LAMA2: variants seen among roughly 807,000 people sequenced by gnomAD.
LAMA2 encodes laminin subunit alpha 2, also known as laminin subunit alpha-2.
A neutral mutation model predicts 364.8 loss-of-function variants in LAMA2; 269 were observed. The observed-to-expected ratio is 0.74, with a 90% CI of 0.67 to 0.82. LAMA2 has a LOEUF of 0.82. LAMA2 is among the 40% of genes least tolerant of loss of function. The pLI is 0.00. For synonymous variants in LAMA2, 1,379 were observed against 1,370.6 expected, an observed-to-expected ratio of 1.01 and a Z score of -0.14; for missense variants, 3,807 against 3,873.2, an observed-to-expected ratio of 0.98 and a Z score of 0.45.
chr6:128,948,178 C>T (rs142388169), intron 1 of LAMA2, among the ~76,000 whole-genome samples: 265 of 152,068 alleles, frequency 1.7e-3, no homozygotes, highest in African/African-American at 6.1e-3. Flanking sequence ...AAAATCCAAG[C>T]AAAGCAGGTA....
intron 3 of LAMA2, among the ~76,000 whole-genome samples, chr6:129,063,783 A>G (rs928177124): frequency 3.9e-5 from 6 of 152,192 alleles, no homozygotes; most frequent in Admixed American, 3.3e-4. Context: ...TTGTTTGGAC[A>G]AGTTAACAGT....
intron 1 of LAMA2, among the ~76,000 whole-genome samples, chr6:129,044,245 C>A (rs926885292): frequency 1.3e-5 from 2 of 151,962 alleles, no homozygotes; most frequent in Non-Finnish European, 2.9e-5. Flanking sequence ...TAGCTGTTAT[C>A]TCTGGGAGCT....
intron 1 of LAMA2, among the ~76,000 whole-genome samples, chr6:128,944,195 A>C (rs773896706): frequency 2.6e-5 from 4 of 152,228 alleles, no homozygotes; most frequent in Admixed American, 6.5e-5. Context: ...ACCTGAGCAC[A>C]CATCACAAAG....
At chr6:128,960,092 C>A (rs781306833) in intron 1 of LAMA2, among the ~76,000 whole-genome samples, 12 of 151,856 alleles carry the variant, frequency 7.9e-5, no homozygotes, top group African/African-American at 1.2e-4. Context: ...AGATTTTTGC[C>A]TCTGTAAACT....
intron 20 of LAMA2, among the ~76,000 whole-genome samples, chr6:129,295,588 T>C (rs1426950045): frequency 1.3e-5 from 2 of 152,214 alleles, no homozygotes; most frequent in African/African-American, 2.4e-5. Flanking sequence ...GCTACATTAT[T>C]TAAATATTTG....
intron 40 of LAMA2, among the ~76,000 whole-genome samples, chr6:129,424,143 C>T (rs558444408): frequency 1.6e-3 from 236 of 152,028 alleles, no homozygotes; most frequent in Admixed American, 3.2e-3. Context: ...ACAAATTCTA[C>T]TAGAGGAATT....
chr6:128,909,581 T>C (rs1278304625), intron 1 of LAMA2, among the ~76,000 whole-genome samples: 5 of 148,668 alleles, frequency 3.4e-5, no homozygotes, highest in African/African-American at 1.2e-4. Flanking sequence ...GGGTCTTGAC[T>C]CTTTATCCAA....
intron 7 of LAMA2, among the ~76,000 whole-genome samples, chr6:129,150,979 C>T (rs902330935): frequency 2.6e-5 from 4 of 152,150 alleles, no homozygotes; most frequent in Non-Finnish European, 5.9e-5. Flanking sequence ...GATAATATCT[C>T]TAAAAAGCAT....
chr6:129,080,595 C>T (rs994576391), intron 3 of LAMA2, among the ~76,000 whole-genome samples: 1 of 152,108 alleles, frequency 6.6e-6, no homozygotes, highest in African/African-American at 2.4e-5. Flanking sequence ...TATGAAGAGA[C>T]ACTTCTCAAA....
At chr6:128,936,646 A>G (rs781060924) in intron 1 of LAMA2, among the ~76,000 whole-genome samples, 2 of 152,134 alleles carry the variant, frequency 1.3e-5, no homozygotes, top group Non-Finnish European at 2.9e-5. Context: ...CAATTATAAC[A>G]ATTTACTATA....
intron 12 of LAMA2, among the ~76,000 whole-genome samples, chr6:129,200,104 GTGTACACGTATATATATGTGTATA>G (rs1782103554): frequency 9.9e-6 from 1 of 100,780 alleles, no homozygotes; most frequent in Admixed American, 1.1e-4. Context: ...ACGTGTATAT[GTGTACACGTATATATATGTGTATA>G]TATATACGTG....
Position 129,265,415 on chromosome 6 carries a change from T to C in LAMA2, c.2209-1691T>C, listed in dbSNP as rs941854846. Among the ~76,000 whole-genome samples, 13 of 152,296 alleles carry C rather than the reference T, an allele frequency of 8.5e-5. No homozygotes were observed. In the South Asian group the frequency reaches 1.7e-3, roughly 19 times the overall value. Reference sequence around the variant, plus strand: ...AAAAAACTTATTAAGGAAAACTTCATGAATATCTGTCTGAAAACAGTAGAT... The same window carrying C: ...AAAAAACTTATTAAGGAAAACTTCACGAATATCTGTCTGAAAACAGTAGAT... On this transcript the variant is annotated intron_variant, in intron 15 of 64. Coordinates refer to ENST00000421865, the MANE Select transcript of LAMA2 (RefSeq NM_000426.4).
At chr6:128,977,676 A>T (rs1189281184) in intron 1 of LAMA2, among the ~76,000 whole-genome samples, 2 of 152,178 alleles carry the variant, frequency 1.3e-5, no homozygotes, top group Non-Finnish European at 2.9e-5. Flanking sequence ...ATGATTGTGT[A>T]TACTTTATAT....
At chr6:129,512,263 C>A in intron 62 of LAMA2, 100 bp from the exon 63 acceptor site, 1 of 1,154,396 alleles carries the variant, frequency 8.7e-7, no homozygotes, top group Non-Finnish European at 1.3e-6. Flanking sequence ...AATTAGCTAG[C>A]ATTTGAATTG....
At chr6:129,478,590 G>T (rs1784197824) in intron 53 of LAMA2, 103 bp from the exon 54 acceptor site, 1 of 1,181,856 alleles carries the variant, frequency 8.5e-7, no homozygotes, top group Non-Finnish European at 1.3e-6. Flanking sequence ...ATAGACATGT[G>T]CCTGCATGTG....
At chr6:129,452,035 T>C (rs1782700019) in intron 45 of LAMA2, among the ~76,000 whole-genome samples, 1 of 152,194 alleles carries the variant, frequency 6.6e-6, no homozygotes, top group African/African-American at 2.4e-5. Context: ...TTTGAACAAA[T>C]GGCAAAGAGA....
intron 9 of LAMA2, among the ~76,000 whole-genome samples, chr6:129,167,227 T>C (rs1779805252): frequency 1.3e-5 from 2 of 151,906 alleles, no homozygotes; most frequent in Admixed American, 1.3e-4. Flanking sequence ...TAGTTACATA[T>C]GTATACATGT....
At chr6:129,031,405 G>T (rs1443378426) in intron 1 of LAMA2, among the ~76,000 whole-genome samples, 1 of 151,682 alleles carries the variant, frequency 6.6e-6, no homozygotes, top group Non-Finnish European at 1.5e-5. Context: ...GGGGTGGGGG[G>T]AATAGACTGG....
chr6:129,492,438 A>G lies in LAMA2; in HGVS notation c.8199A>G (p.Pro2733=), dbSNP rs1173595401. ...APAEIVIQPE[P]VPTPAFPTPT... ...CTGAAATAGTTATCCAGCCTGAGCC[A>G]GTTCCCACCCCAGCCTTTCCTACGC... is the stretch of plus-strand genomic sequence containing the variant. Residue 2733 remains proline, a synonymous_variant, in exon 58 of 65, where the codon CCA becomes CCG. Coordinates refer to ENST00000421865, the MANE Select transcript of LAMA2 (RefSeq NM_000426.4). 6.2e-7 allele frequency: 1 copy of G among 1,614,144 alleles called. No homozygotes were observed. The highest frequency in any genetic ancestry group is 1.1e-5 in the South Asian group (1 of 91,090).
Sources: allele counts gnomAD v4.1 joint callset (sites outside exome capture counted in the v4.1 genomes callset), GRCh38; gene constraint gnomAD v4.1.1; transcripts MANE v1.5; gene names NCBI Gene and HGNC (gene_info 2026-07-23, HGNC 2026-07-21).